CSMD3: variants seen among roughly 807,000 people sequenced by gnomAD.
The protein encoded by CSMD3 is CUB and Sushi multiple domains 3, also known as CUB and sushi domain-containing protein 3.
In CSMD3, 177 loss-of-function variants were observed where a neutral mutation model predicts 435.2. The observed-to-expected ratio is 0.41, with a 90% CI of 0.36 to 0.46. CSMD3 has a LOEUF of 0.46. CSMD3 is among the 20% of genes least tolerant of loss of function. CSMD3 has a pLI of 0.34. For synonymous variants in CSMD3, 1,656 were observed against 1,520.5 expected (o/e 1.09, Z -2.07); for missense variants, 4,265 against 4,504.6 (o/e 0.95, Z 1.52).
At chr8:112,781,249 T>A (rs2078377658) in intron 13 of CSMD3, among the ~76,000 whole-genome samples, 1 of 151,522 alleles carries the variant, frequency 6.6e-6, no homozygotes, top group African/African-American at 2.4e-5. Flanking sequence ...GACTAAAGAG[T>A]CTTTGGGCCT....
chr8:112,862,717 A>T (rs893358214), intron 10 of CSMD3, among the ~76,000 whole-genome samples: 19 of 152,086 alleles, frequency 1.2e-4, no homozygotes, highest in Non-Finnish European at 2.1e-4. Flanking sequence ...ATTCCATTGT[A>T]TTTGTGCTTT....
intron 31 of CSMD3, among the ~76,000 whole-genome samples, chr8:112,485,679 A>T (rs1244906979): frequency 6.6e-6 from 1 of 152,188 alleles, no homozygotes; most frequent in Non-Finnish European, 1.5e-5. Context: ...CATATGAATA[A>T]TTGGTAAATT....
At chr8:113,121,034 TCA>T (rs1234671159) in intron 4 of CSMD3, among the ~76,000 whole-genome samples, 1 of 152,144 alleles carries the variant, frequency 6.6e-6, no homozygotes, top group Non-Finnish European at 1.5e-5. Flanking sequence ...AGCTGCACTT[TCA>T]GTGATGTCCG....
intron 9 of CSMD3, among the ~76,000 whole-genome samples, chr8:112,931,386 T>G (rs1162462134): frequency 1.3e-5 from 2 of 151,948 alleles, no homozygotes; most frequent in Non-Finnish European, 2.9e-5. Flanking sequence ...GAAAACTGGA[T>G]ATCCATTACA....
intron 12 of CSMD3, among the ~76,000 whole-genome samples, chr8:112,816,780 C>G (rs896216938): frequency 2.0e-5 from 3 of 151,374 alleles, no homozygotes; most frequent in African/African-American, 7.3e-5. Flanking sequence ...TTCCATAAAG[C>G]TAGTAAGAAT....
At chr8:113,405,003 G>A (rs1268555922) in intron 1 of CSMD3, among the ~76,000 whole-genome samples, 1 of 151,306 alleles carries the variant, frequency 6.6e-6, no homozygotes, top group Non-Finnish European at 1.5e-5. Context: ...TTGCCAAAGA[G>A]GAACTTAATT....
At chr8:112,732,309 T>C (rs984361039) in intron 13 of CSMD3, among the ~76,000 whole-genome samples, 1 of 152,230 alleles carries the variant, frequency 6.6e-6, no homozygotes, top group East Asian at 1.9e-4. Flanking sequence ...CTCTCTTAAC[T>C]AAGATGGGAA....
At chr8:113,359,756 A>G (rs929654759) in intron 1 of CSMD3, among the ~76,000 whole-genome samples, 2 of 152,224 alleles carry the variant, frequency 1.3e-5, no homozygotes, top group African/African-American at 4.8e-5. Flanking sequence ...GAACTGAAAG[A>G]CTTTAATTTT....
chr8:113,089,929 T>G (rs902912223), intron 5 of CSMD3, among the ~76,000 whole-genome samples: 2 of 152,154 alleles, frequency 1.3e-5, no homozygotes, highest in East Asian at 1.9e-4. Context: ...TGATGACTGT[T>G]GGTTGACTAA....
intron 2 of CSMD3, among the ~76,000 whole-genome samples, chr8:113,302,259 A>ATTAT (rs1563672322): frequency 8.1e-6 from 1 of 123,206 alleles, no homozygotes; most frequent in East Asian, 2.5e-4. Flanking sequence ...ATATTATATA[A>ATTAT]AATATATATA....
intron 27 of CSMD3, among the ~76,000 whole-genome samples, chr8:112,541,135 A>G (rs1355587344): frequency 4.6e-5 from 7 of 151,968 alleles, no homozygotes. Context: ...AACAGAAAAA[A>G]CAGGACTATG....
intron 65 of CSMD3, 97 bp downstream of exon 65, chr8:112,244,297 T>C (rs944132380): frequency 1.9e-6 from 2 of 1,031,696 alleles, no homozygotes; most frequent in African/African-American, 1.6e-5. Flanking sequence ...CAAATTTCCC[T>C]TGTTCCTATG....
chr8:112,232,274 G>A (rs557081447), intron 68 of CSMD3, among the ~76,000 whole-genome samples: 1 of 152,316 alleles, frequency 6.6e-6, no homozygotes, highest in South Asian at 2.1e-4. Context: ...TAAGGCAGGG[G>A]TTGATAGCTA....
chr8:113,139,897 A>C (rs994783410), intron 4 of CSMD3, among the ~76,000 whole-genome samples: 1 of 151,258 alleles, frequency 6.6e-6, no homozygotes, highest in Admixed American at 6.6e-5. Flanking sequence ...AATGGAAAAC[A>C]AGAGTGGCTA....
At chr8:112,964,556 G>C (rs911216466) in intron 7 of CSMD3, among the ~76,000 whole-genome samples, 1 of 151,882 alleles carries the variant, frequency 6.6e-6, no homozygotes, top group Admixed American at 6.6e-5. Context: ...AAAACCAACT[G>C]CTATGTGAAA....
At chr8:112,681,838 G>T (rs2131780663) in intron 16 of CSMD3, among the ~76,000 whole-genome samples, 1 of 152,248 alleles carries the variant, frequency 6.6e-6, no homozygotes, top group African/African-American at 2.4e-5. Context: ...TTGCATTCCA[G>T]TCTGGGCAAC....
chr8:112,961,883 C>T (rs2084244046), intron 7 of CSMD3, among the ~76,000 whole-genome samples: 1 of 151,854 alleles, frequency 6.6e-6, no homozygotes, highest in Admixed American at 6.6e-5. Context: ...ACAGGTCTTA[C>T]AGTTATGGTA....
At chr8:113,277,332 C>T (rs927973257) in intron 3 of CSMD3, among the ~76,000 whole-genome samples, 2 of 151,924 alleles carry the variant, frequency 1.3e-5, no homozygotes, top group South Asian at 2.1e-4. Context: ...GGAATTTATC[C>T]TCCCTTGCTA....
intron 1 of CSMD3, among the ~76,000 whole-genome samples, chr8:113,436,218 T>G (rs1004559513): frequency 6.6e-6 from 1 of 152,188 alleles, no homozygotes; most frequent in African/African-American, 2.4e-5. Flanking sequence ...CTAATGCATT[T>G]AAAATCAACA....
Sources: allele counts gnomAD v4.1 joint callset (sites outside exome capture counted in the v4.1 genomes callset), GRCh38; gene constraint gnomAD v4.1.1; transcripts MANE v1.5; gene names NCBI Gene and HGNC (gene_info 2026-07-23, HGNC 2026-07-21).